Variants in NOL4 observed in about 807,000 individuals in gnomAD.
NOL4 encodes nucleolar protein 4.
In NOL4, 17 loss-of-function variants were observed where a neutral mutation model predicts 75.9. The observed-to-expected ratio is 0.22, with a 90% confidence interval of 0.15 to 0.34. NOL4 has a LOEUF of 0.34. Ranked by LOEUF, NOL4 falls within the 10% of genes least tolerant of loss-of-function variation. The pLI is 1.00. For synonymous variants in NOL4, 292 were observed against 289.9 expected (o/e 1.01, Z -0.07); for missense variants, 614 against 793.5 (o/e 0.77, Z 2.72).
intron 1 of NOL4, among the ~76,000 whole-genome samples, chr18:34,166,153 C>T (rs948566938): frequency 1.3e-5 from 2 of 152,016 alleles, no homozygotes; most frequent in African/African-American, 2.4e-5. Context: ...TTTGTATAAG[C>T]TTTTCAAATT....
intron 1 of NOL4, among the ~76,000 whole-genome samples, chr18:34,219,845 C>T (rs960405448): frequency 6.6e-6 from 1 of 152,262 alleles, no homozygotes; most frequent in African/African-American, 2.4e-5. Flanking sequence ...ACAGGTCCCA[C>T]ACCAGACCTA....
chr18:34,059,544 C>G (rs1471071015), intron 5 of NOL4, among the ~76,000 whole-genome samples: 4 of 152,100 alleles, frequency 2.6e-5, no homozygotes, highest in Non-Finnish European at 5.9e-5. Flanking sequence ...TTCCACAGTA[C>G]CTTGTGTATA....
chr18:34,196,353 A>G (rs1419347727), intron 1 of NOL4, among the ~76,000 whole-genome samples: 1 of 152,174 alleles, frequency 6.6e-6, no homozygotes, highest in Non-Finnish European at 1.5e-5. Flanking sequence ...ACATTATATG[A>G]CATCTTAGAA....
intron 10 of NOL4, among the ~76,000 whole-genome samples, chr18:33,862,485 C>T (rs538352729): frequency 1.8e-4 from 27 of 152,160 alleles, no homozygotes; most frequent in East Asian, 9.7e-4. Flanking sequence ...GAACCGGCAA[C>T]GCACAAAATG....
At chr18:33,896,024 C>A (rs72955225) in intron 9 of NOL4, among the ~76,000 whole-genome samples, 1 of 151,838 alleles carries the variant, frequency 6.6e-6, no homozygotes, top group Non-Finnish European at 1.5e-5. Flanking sequence ...AACCAAGAAC[C>A]AAATCAGAAA....
chr18:33,920,965 G>A (rs895872228), intron 9 of NOL4, among the ~76,000 whole-genome samples: 1 of 152,152 alleles, frequency 6.6e-6, no homozygotes, highest in African/African-American at 2.4e-5. Context: ...TCGGCCAGGT[G>A]GGACAGGAAG....
At chr18:33,903,549 A>G (rs145290861) in intron 9 of NOL4, among the ~76,000 whole-genome samples, 116 of 152,318 alleles carry the variant, frequency 7.6e-4, no homozygotes, top group African/African-American at 2.7e-3. Context: ...ACTCAAGTTA[A>G]CCAAAGCCTC....
intron 9 of NOL4, among the ~76,000 whole-genome samples, chr18:33,940,419 A>G (rs2068389777): frequency 6.6e-6 from 1 of 152,094 alleles, no homozygotes; most frequent in Non-Finnish European, 1.5e-5. Flanking sequence ...ATGAAACTGG[A>G]AACCATCATT....
intron 5 of NOL4, among the ~76,000 whole-genome samples, chr18:34,092,592 AT>A (rs2078578650): frequency 6.6e-6 from 1 of 152,268 alleles, no homozygotes; most frequent in African/African-American, 2.4e-5. Context: ...GAAAGCAAAG[AT>A]TTTTTCAGTA....
At chr18:33,947,418 A>T (rs926083256) in intron 8 of NOL4, among the ~76,000 whole-genome samples, 1 of 151,792 alleles carries the variant, frequency 6.6e-6, no homozygotes, top group East Asian at 1.9e-4. Flanking sequence ...AAGAGTGGCC[A>T]TAAAACACAA....
chr18:34,209,237 A>T (rs1479316987), intron 1 of NOL4, among the ~76,000 whole-genome samples: 1 of 151,544 alleles, frequency 6.6e-6, no homozygotes, highest in East Asian at 1.9e-4. Context: ...ATCACATGTT[A>T]TATAGAAATG....
intron 9 of NOL4, among the ~76,000 whole-genome samples, chr18:33,891,583 G>C (rs982746519): frequency 1.3e-5 from 2 of 152,024 alleles, no homozygotes; most frequent in African/African-American, 4.8e-5. Flanking sequence ...TTGAGTTTCT[G>C]GTTTTGGAAA....
intron 9 of NOL4, among the ~76,000 whole-genome samples, chr18:33,892,445 TAATA>T (rs958003130): frequency 9.9e-5 from 15 of 151,968 alleles, no homozygotes; most frequent in African/African-American, 3.1e-4. Context: ...TGTAAATAAA[TAATA>T]AATAAATAAA....
At chr18:33,964,071 G>A (rs952901025) in intron 6 of NOL4, among the ~76,000 whole-genome samples, 11 of 152,258 alleles carry the variant, frequency 7.2e-5, no homozygotes, top group Non-Finnish European at 1.2e-4. Flanking sequence ...AGCAGTGATC[G>A]TAAGGTATCA....
intron 6 of NOL4, among the ~76,000 whole-genome samples, chr18:33,969,616 C>A (rs2070880520): frequency 6.6e-6 from 1 of 152,046 alleles, no homozygotes; most frequent in Admixed American, 6.6e-5. Flanking sequence ...ATTTGTATAA[C>A]CATAGATGGT....
intron 9 of NOL4, among the ~76,000 whole-genome samples, chr18:33,928,560 T>C (rs1406572465): frequency 6.6e-6 from 1 of 152,162 alleles, no homozygotes; most frequent in African/African-American, 2.4e-5. Flanking sequence ...GCCATCTACA[T>C]GTCTCACAGT....
At chr18:33,902,555 G>T (rs1288234330) in intron 9 of NOL4, among the ~76,000 whole-genome samples, 1 of 152,046 alleles carries the variant, frequency 6.6e-6, no homozygotes, top group Admixed American at 6.6e-5. Context: ...ATTTTTCCAT[G>T]TAACCCAAGA....
chr18:33,877,695 CTG>C (rs1276633571), intron 10 of NOL4, among the ~76,000 whole-genome samples: 29 of 152,120 alleles, frequency 1.9e-4, no homozygotes, highest in African/African-American at 5.5e-4. Flanking sequence ...TATATCCAAA[CTG>C]TGCATTTATA....
rs80178346 is a variant in NOL4, at chr18:34,218,260, G to A, written c.264+4730C>T. On this transcript the variant is annotated intron_variant, in intron 1 of 10. Coordinates refer to ENST00000261592, the MANE Select transcript of NOL4 (RefSeq NM_003787.5). The stretch of plus-strand genomic sequence containing the variant: ...ATCATTCCTCCGTCTTATGCAGTGA[G>A]TCTAGAGAGTAAACCCGTAGGGAGC... Among the ~76,000 whole-genome samples, 428 of 152,274 alleles carry A rather than the reference G, an allele frequency of 2.8e-3. 2 individuals carry two copies. The highest frequency in any genetic ancestry group is 1.0e-2 in the African/African-American group (415 of 41,556).
Sources: allele counts gnomAD v4.1 joint callset (sites outside exome capture counted in the v4.1 genomes callset), GRCh38; gene constraint gnomAD v4.1.1; transcripts MANE v1.5; gene names NCBI Gene and HGNC (gene_info 2026-07-23, HGNC 2026-07-21).